The following HTD2 variants were observed in gnomAD, a reference collection of about 807,000 sequenced individuals.
The protein encoded by HTD2 is hydroxyacyl-thioester dehydratase type 2, mitochondrial.
Under a neutral mutation model 3.1 loss-of-function variants are expected in HTD2, and 1 was observed. That is an observed-to-expected ratio of 0.32 (90% confidence interval 0.11 to 1.52). HTD2 has a LOEUF of 1.52. Among genes scored for constraint, HTD2 ranks in the 40% most tolerant of loss-of-function variants. The probability of loss-of-function intolerance (pLI) is 0.39; values close to 1 mark genes in which losing one functional copy is unlikely to be tolerated. For synonymous variants in HTD2, 50 were observed against 28.9 expected, an observed-to-expected ratio of 1.73 and a Z score of -2.34; for missense variants, 150 against 79.6, an observed-to-expected ratio of 1.88 and a Z score of -3.36.
In HTD2 at chr3:58,317,417, T is replaced by C. The variant is rs74745970; in HGVS notation, c.-174-23T>C. 7,274 of 1,552,658 alleles carry C rather than the reference T, an allele frequency of 4.7e-3. 295 individuals are homozygous for C. The African/African-American group carries it at 0.088, about 19-fold the overall frequency. On this transcript the variant is annotated intron_variant, in intron 4 of 4. Transcript: ENST00000461393. ...TTCAGTGTGGTTTCTCCCAATGCCT[T>C]AACCTTTTTCTTTCTCTTCTAGGTT...
At position 58,310,566 on chromosome 3, in the gene HTD2, C is replaced by T. The variant is rs773275466; in HGVS notation, c.-356C>T. 3.6e-5 allele frequency: 58 copies of T among 1,611,744 alleles called. 2 individuals carry two copies. The South Asian group carries it at 4.5e-4, about 13-fold the overall frequency. Reference sequence around the variant, plus strand: ...GCACAGTTCAAACAGCTGCTTATTTCGGCTGTGAAGGACCTGTTTGGGGAG... The same window carrying T: ...GCACAGTTCAAACAGCTGCTTATTTTGGCTGTGAAGGACCTGTTTGGGGAG... On this transcript the variant is annotated 5_prime_UTR_variant, in exon 2 of 5. Coordinates refer to ENST00000461393, the MANE Select transcript of HTD2 (RefSeq NM_001348712.2).
At chr3:58,317,082 T>A in intron 4 of HTD2, 89 bp downstream of exon 4, 1 of 921,826 alleles carries the variant, frequency 1.1e-6, no homozygotes, top group Non-Finnish European at 1.7e-6. Context: ...TGTGCTTGCA[T>A]AAATGTAATA....
rs2097489616 is a variant in HTD2 at position 58,317,540 on chromosome 3, T to A, written c.-74T>A. ...TGGAAACGTTCATCCACTCTCATAT[T>A]TATTTTTTGGTGCCTGCATGTTTGA... On this transcript the variant is annotated 5_prime_UTR_variant, in exon 5 of 5. Transcript: ENST00000461393. 2 of 1,356,020 alleles carry A rather than the reference T, an allele frequency of 1.5e-6. No homozygotes were observed. The highest frequency in any genetic ancestry group is 2.4e-5 in the South Asian group (2 of 84,276). The allele number at this position is 1,356,020 out of a possible 1,614,324, so 84.0% of individuals were successfully genotyped here.
chr3:58,315,639 T>G (rs1164140991), intron 2 of HTD2: 1 of 152,240 alleles, frequency 6.6e-6, no homozygotes, highest in Admixed American at 6.5e-5. Context: ...GGAGGCTGGA[T>G]GAAGAGTGCA....
rs1306112755 is a variant in HTD2, at chr3:58,309,688, G to A, written c.-415-819G>A. ...AGGCGTATCACGAGGTCAGGAGTTC[G>A]AGACCAGCCTGACCAATATGGTGAA... On this transcript the variant is annotated intron_variant, in intron 1 of 4. Transcript: ENST00000461393. Among the ~76,000 whole-genome samples the A allele has an allele frequency of 3.3e-5, 5 of 152,198 alleles. 1 individual carries two copies. Among genetic ancestry groups the A allele is most frequent in the Non-Finnish European group, 2.9e-5 (2 of 68,008 alleles).
intron 1 of HTD2, chr3:58,310,179 C>G (rs2097480575): frequency 6.1e-6 from 4 of 657,202 alleles, no homozygotes; most frequent in Non-Finnish European, 8.0e-6. Context: ...TGCACTTCAG[C>G]CTAGGTGACA....
At chr3:58,317,204 C>G (rs561589669) in intron 4 of HTD2, among the ~76,000 whole-genome samples, 58 of 152,224 alleles carry the variant, frequency 3.8e-4, no homozygotes, top group Non-Finnish European at 7.2e-4. Flanking sequence ...ATAAAACTTG[C>G]AACCCTGTGG....
At chr3:58,313,258 CAAAA>C (rs1443143733) in intron 2 of HTD2, among the ~76,000 whole-genome samples, 1 of 151,220 alleles carries the variant, frequency 6.6e-6, no homozygotes, top group Non-Finnish European at 1.5e-5. Flanking sequence ...GACTCGGTCT[CAAAA>C]AAAAGGCTCC....
chr3:58,316,174 G>A (rs2292673), intron 2 of HTD2, among the ~76,000 whole-genome samples: 55,334 of 152,076 alleles, frequency 0.36, 10,915 homozygotes, highest in East Asian at 0.81. Context: ...AAAACATGTT[G>A]GACAATTAGT....
intron 2 of HTD2, among the ~76,000 whole-genome samples, chr3:58,312,960 C>CA (rs35853424): frequency 0.3 from 23,376 of 78,880 alleles, 3,386 homozygotes; most frequent in African/African-American, 0.34. Context: ...GACTCTGTCT[C>CA]AAAAAAAAAA....
intron 2 of HTD2, among the ~76,000 whole-genome samples, chr3:58,312,560 T>G (rs2097483501): frequency 6.6e-6 from 1 of 152,170 alleles, no homozygotes; most frequent in Admixed American, 6.5e-5. Context: ...GACAAATGAT[T>G]GTTGTAGCAC....
chr3:58,312,343 C>CCCT (rs1553724610), intron 2 of HTD2, among the ~76,000 whole-genome samples: 5 of 128,238 alleles, frequency 3.9e-5, no homozygotes, highest in African/African-American at 1.4e-4. Context: ...CACCCCCCCC[C>CCCT]GCCCCTCCCG....
rs1032305702 is a variant in HTD2, at chr3:58,319,625, C to T, written c.*1505C>T. 1.0e-5 allele frequency: 1 copy of T among 96,946 alleles called. No individual in the cohort carries two copies. The highest frequency in any genetic ancestry group is 3.8e-4 in the South Asian group (1 of 2,666). The allele number at this position is 96,946 out of a possible 1,614,324, so 6.0% of individuals were successfully genotyped here. ...CTCCCATTATTATGAGTAATACATG[C>T]TTATAGTAAAAAAAAAAAAATTGTA... On this transcript the variant is annotated 3_prime_UTR_variant, in exon 5 of 5. Coordinates refer to ENST00000461393, the MANE Select transcript of HTD2 (RefSeq NM_001348712.2).
intron 2 of HTD2, 113 bp from the exon 3 acceptor site, chr3:58,316,402 A>G: frequency 1.0e-6 from 1 of 953,002 alleles, no homozygotes; most frequent in East Asian, 2.4e-5. Flanking sequence ...CCATTAAATA[A>G]AATACTGCTT....
In HTD2 at chr3:58,306,841, C is replaced by G. The variant is rs911760978; in HGVS notation, c.-416+190C>G. On this transcript the variant is annotated intron_variant, in intron 1 of 4. Transcript: ENST00000461393. ...AAGATAGCAAGATTCTTGGAGTGGA[C>G]TTTTGTTGGGGTGGGGAGGGGAAGT... Among the ~76,000 whole-genome samples the G allele has an allele frequency of 6.6e-5, 10 of 152,092 alleles. No individual in the cohort carries two copies. In the East Asian group the frequency reaches 1.9e-3, roughly 29 times the overall value.
At chr3:58,306,360 G>A (rs1010962410), upstream of HTD2, 5 of 152,386 alleles carry the variant, frequency 3.3e-5, no homozygotes, top group Non-Finnish European at 7.3e-5. Context: ...AAGCCTTGGC[G>A]GGTCCTTGCG....
chr3:58,317,558 A>T lies in HTD2; in HGVS notation c.-56A>T, dbSNP rs1465371571. On this transcript the variant is annotated 5_prime_UTR_variant, in exon 5 of 5. It removes an upstream start codon present in the reference 5' UTR. Transcript: ENST00000461393. ...CTCATATTTATTTTTTGGTGCCTGCATGTTTGAAGACTGAAGCAGGCTAAA... is the reference window on the plus strand; with the variant it reads ...CTCATATTTATTTTTTGGTGCCTGCTTGTTTGAAGACTGAAGCAGGCTAAA... The T allele has an allele frequency of 9.0e-7, 1 of 1,109,300 alleles. No homozygotes were observed. The highest frequency in any genetic ancestry group is 1.8e-5 in the Admixed American group (1 of 54,550). The allele number at this position is 1,109,300 out of a possible 1,614,324, so 68.7% of individuals were successfully genotyped here. A position where few individuals can be genotyped will look rare whatever the true frequency, so the allele number is the denominator to read the frequency against.
chr3:58,319,908 A>C lies in HTD2; in HGVS notation c.*1788A>C, dbSNP rs1237862327. 1 of 152,192 alleles carries C rather than the reference A, an allele frequency of 6.6e-6. No homozygotes were observed. The highest frequency in any genetic ancestry group is 2.4e-5 in the African/African-American group (1 of 41,438). The allele number at this position is 152,192 out of a possible 1,614,324, so 9.4% of individuals were successfully genotyped here. A position where few individuals can be genotyped will look rare whatever the true frequency, so the allele number is the denominator to read the frequency against. ...TTTCAGAATATCCACAAAGTTGTAC[A>C]ACCATCACCAAATCAATTTTTTATA... is the stretch of plus-strand genomic sequence containing the variant. On this transcript the variant is annotated 3_prime_UTR_variant, in exon 5 of 5. Transcript: ENST00000461393.
At position 58,317,619 on chromosome 3, in the gene HTD2, C is replaced by G; in HGVS notation, c.6C>G (p.Phe2Leu). The stretch of plus-strand genomic sequence containing the variant: ...GAAATTTGAGGGTGCTGAAGATGTT[C>G]CCACTAATTTCCAGCCATCACCTTT... M[F>L]PLISSHHLWW... The change falls in exon 5 of 5, where the codon TTC becomes TTG. Residue 2 changes from phenylalanine to leucine, a missense_variant. Coordinates refer to ENST00000461393, the MANE Select transcript of HTD2 (RefSeq NM_001348712.2). 1.3e-6 allele frequency: 1 copy of G among 761,254 alleles called. No individual in the cohort carries two copies. Among genetic ancestry groups the G allele is most frequent in the Non-Finnish European group, 2.3e-6 (1 of 434,380 alleles). The allele number at this position is 761,254 out of a possible 1,614,324, so 47.2% of individuals were successfully genotyped here.
Sources: allele counts gnomAD v4.1 joint callset (sites outside exome capture counted in the v4.1 genomes callset), GRCh38; gene constraint gnomAD v4.1.1; transcripts MANE v1.5; gene names NCBI Gene and HGNC (gene_info 2026-07-23, HGNC 2026-07-21).